Variants in DTNBP1 observed in about 807,000 individuals in gnomAD.
DTNBP1 encodes dystrobrevin binding protein 1.
Under a neutral mutation model 42.8 loss-of-function variants are expected in DTNBP1, and 35 were observed. The ratio of observed to expected loss-of-function variants is 0.82; its 90% CI spans 0.63 to 1.09. The LOEUF (loss-of-function observed/expected upper bound fraction) is 1.09, where lower values mean the gene tolerates loss of function less well. Ranked by LOEUF, DTNBP1 falls within the 50% of genes least tolerant of loss-of-function variation. The pLI is 0.00. For missense variants in DTNBP1, 457 were observed against 424.2 expected, an observed-to-expected ratio of 1.08 and a Z score of -0.68; for synonymous variants, 171 against 162.2, an observed-to-expected ratio of 1.05 and a Z score of -0.41.
In DTNBP1 at chr6:15,652,884, T is replaced by C. The variant is rs148747366; in HGVS notation, c.57-744A>G. Among the ~76,000 whole-genome samples the C allele has an allele frequency of 2.9e-3, 435 of 152,296 alleles. 1 individual carries two copies. Among genetic ancestry groups the C allele is most frequent in the Admixed American group, 4.6e-3 (71 of 15,298 alleles). On this transcript the variant is annotated intron_variant, in intron 1 of 9. Coordinates refer to ENST00000344537, the MANE Select transcript of DTNBP1 (RefSeq NM_032122.5). ...TGATCTTCCCACCTCAGCCTCCCCATAGAGCTGGGATTATAGGTGTGTGCT... is the reference window on the plus strand; with the variant it reads ...TGATCTTCCCACCTCAGCCTCCCCACAGAGCTGGGATTATAGGTGTGTGCT...
intron 5 of DTNBP1, among the ~76,000 whole-genome samples, chr6:15,618,725 G>T (rs1470532645): frequency 6.6e-6 from 1 of 152,042 alleles, no homozygotes; most frequent in Non-Finnish European, 1.5e-5. Context: ...CTACTATCGG[G>T]AATACAGCCA....
chr6:15,601,350 A>C (rs956420331), intron 6 of DTNBP1, among the ~76,000 whole-genome samples: 2 of 152,206 alleles, frequency 1.3e-5, no homozygotes, highest in Admixed American at 6.5e-5. Context: ...AATATTCTTA[A>C]AAGTTCATTA....
At chr6:15,597,345 G>A (rs180786735) in intron 6 of DTNBP1, among the ~76,000 whole-genome samples, 3 of 152,284 alleles carry the variant, frequency 2.0e-5, no homozygotes, top group Admixed American at 2.0e-4. Flanking sequence ...TTCAAGGACA[G>A]TATAACTGAT....
intron 7 of DTNBP1, among the ~76,000 whole-genome samples, chr6:15,575,966 G>A (rs907052930): frequency 6.6e-6 from 1 of 152,312 alleles, no homozygotes; most frequent in East Asian, 1.9e-4. Context: ...ACACAGAGGA[G>A]GAGGAGACAC....
chr6:15,637,662 T>TTTTA, intron 4 of DTNBP1, 82 bp downstream of exon 4: 4 of 1,451,196 alleles, frequency 2.8e-6, no homozygotes, highest in Non-Finnish European at 3.9e-6. Flanking sequence ...CACAAACAAT[T>TTTTA]ATAAATTCAA....
chr6:15,591,745 T>C (rs1776307071), intron 7 of DTNBP1, among the ~76,000 whole-genome samples: 1 of 152,236 alleles, frequency 6.6e-6, no homozygotes, highest in African/African-American at 2.4e-5. Flanking sequence ...ACTGACATTT[T>C]ACATAATCTG....
chr6:15,532,697 C>CTTTTTTTTTTTTT (rs373480713), intron 8 of DTNBP1, among the ~76,000 whole-genome samples: 7 of 93,100 alleles, frequency 7.5e-5, no homozygotes, highest in African/African-American at 1.8e-4. Context: ...TGTTTGTAAT[C>CTTTTTTTTTTTTT]TTTTTTTTTT....
At chr6:15,582,312 C>G (rs941781037) in intron 7 of DTNBP1, among the ~76,000 whole-genome samples, 2 of 152,088 alleles carry the variant, frequency 1.3e-5, no homozygotes, top group African/African-American at 4.8e-5. Flanking sequence ...GGTTTAAATC[C>G]CTGCTGAAAT....
rs554076954 is a variant in DTNBP1, at chr6:15,523,527, A to G, written c.812-308T>C. ...CAAAGGCAAGTGCTGCCTATCTTTG[A>G]GGAGCAGTCCTTGTAACCTTGATAA... On this transcript the variant is annotated intron_variant, in intron 9 of 9. Transcript: ENST00000344537. The G allele has an allele frequency of 2.0e-3, 2,527 of 1,267,056 alleles. 4 individuals carry two copies. Among genetic ancestry groups the G allele is most frequent in the Non-Finnish European group, 2.4e-3 (2,389 of 992,352 alleles). The allele number at this position is 1,267,056 out of a possible 1,614,324, so 78.5% of individuals were successfully genotyped here.
chr6:15,523,576 T>TTTA (rs1554151131), intron 9 of DTNBP1: 20 of 1,255,632 alleles, frequency 1.6e-5, no homozygotes, highest in Admixed American at 8.5e-5. Flanking sequence ...TTTTTTTTTT[T>TTTA]ACCCTTTGCA....
At chr6:15,622,547 T>A (rs933166231) in intron 5 of DTNBP1, among the ~76,000 whole-genome samples, 23 of 152,192 alleles carry the variant, frequency 1.5e-4, no homozygotes, top group Non-Finnish European at 3.2e-4. Flanking sequence ...CATATATGAG[T>A]ACATTTGGTA....
chr6:15,537,246 G>C (rs533721826), intron 7 of DTNBP1, among the ~76,000 whole-genome samples: 22,964 of 151,178 alleles, frequency 0.15, 2,587 homozygotes, highest in African/African-American at 0.31. Flanking sequence ...TGGTGGTCAT[G>C]TATTTTTTGT....
intron 9 of DTNBP1, 162 bp downstream of exon 9, chr6:15,524,364 C>T (rs1772193273): frequency 6.2e-7 from 1 of 1,613,498 alleles, no homozygotes; most frequent in Non-Finnish European, 8.5e-7. Context: ...GTTGCAGCTG[C>T]CACACAGCCG....
intron 7 of DTNBP1, among the ~76,000 whole-genome samples, chr6:15,547,139 G>A (rs1773926868): frequency 1.3e-5 from 2 of 151,962 alleles, no homozygotes; most frequent in Non-Finnish European, 2.9e-5. Flanking sequence ...AAAATCAAAG[G>A]CTTTTTTTAA....
At chr6:15,613,525 C>T (rs1164546304) in intron 6 of DTNBP1, among the ~76,000 whole-genome samples, 3 of 151,762 alleles carry the variant, frequency 2.0e-5, no homozygotes, top group Admixed American at 6.6e-5. Context: ...CGCCACCACA[C>T]CCGGCTAATT....
chr6:15,659,286 GAA>G (rs1469282504), intron 1 of DTNBP1, among the ~76,000 whole-genome samples: 1 of 152,202 alleles, frequency 6.6e-6, no homozygotes, highest in Non-Finnish European at 1.5e-5. Flanking sequence ...CAGAAGCTCC[GAA>G]GAGAGGATGC....
intron 7 of DTNBP1, among the ~76,000 whole-genome samples, chr6:15,545,150 C>T (rs1759447846): frequency 6.6e-6 from 1 of 151,984 alleles, no homozygotes; most frequent in African/African-American, 2.4e-5. Flanking sequence ...CAAATGAATA[C>T]AAATTTTCTC....
At chr6:15,614,014 C>T (rs1402730439) in intron 6 of DTNBP1, among the ~76,000 whole-genome samples, 1 of 152,076 alleles carries the variant, frequency 6.6e-6, no homozygotes, top group African/African-American at 2.4e-5. Context: ...AATGGACTCC[C>T]CAAGGATGAA....
chr6:15,605,668 T>A (rs1758004718), intron 6 of DTNBP1, among the ~76,000 whole-genome samples: 1 of 152,306 alleles, frequency 6.6e-6, no homozygotes, highest in East Asian at 1.9e-4. Context: ...GAAAAATCCA[T>A]GTAAATGGTT....
Sources: gnomAD v4.1 joint callset for allele counts (sites outside exome capture counted in the v4.1 genomes callset) on GRCh38, gnomAD v4.1.1 for gene constraint, MANE v1.5 for transcripts, NCBI Gene and HGNC (gene_info 2026-07-23, HGNC 2026-07-21) for gene names.